Variants in PARP8 observed in about 807,000 individuals in gnomAD.
PARP8 encodes the protein protein mono-ADP-ribosyltransferase PARP8.
A neutral mutation model predicts 124.1 loss-of-function variants in PARP8; 51 were observed. The ratio of observed to expected loss-of-function variants is 0.41; its 90% CI spans 0.33 to 0.52. The LOEUF (loss-of-function observed/expected upper bound fraction) is 0.52, where lower values mean the gene tolerates loss of function less well. Among genes scored for constraint, PARP8 ranks in the 20% least tolerant of loss-of-function variants. PARP8 has a pLI of 0.21. For missense variants in PARP8, 860 were observed against 1,018.9 expected, an observed-to-expected ratio of 0.84 and a Z score of 2.12; for synonymous variants, 391 against 361.5, an observed-to-expected ratio of 1.08 and a Z score of -0.93.
intron 2 of PARP8, among the ~76,000 whole-genome samples, chr5:50,745,942 T>A (rs1044374494): frequency 1.3e-5 from 2 of 152,208 alleles, no homozygotes; most frequent in African/African-American, 2.4e-5. Flanking sequence ...CTTCTAATGT[T>A]TGGCATGTTG....
intron 2 of PARP8, among the ~76,000 whole-genome samples, chr5:50,733,999 A>C (rs1757247047): frequency 1.3e-5 from 2 of 152,216 alleles, no homozygotes; most frequent in Non-Finnish European, 1.5e-5. Flanking sequence ...GTAACTGATA[A>C]CTTTACTAAT....
chr5:50,721,857 A>G (rs1755922270), intron 2 of PARP8, among the ~76,000 whole-genome samples: 2 of 152,124 alleles, frequency 1.3e-5, no homozygotes, highest in South Asian at 4.1e-4. Context: ...AAACTGCTAA[A>G]GCAATTCTGA....
At position 50,778,173 on chromosome 5, in the gene PARP8, CATTTT is replaced by C. The variant is rs767140880; in HGVS notation, c.579+55_579+59del. ...TAATATGAATGGTGCATTTAAAATA[CATTTT>C]ATTTTATTTTTGGGGGAAATTTAAT... On this transcript the variant is annotated intron_variant, in intron 8 of 25. Coordinates refer to ENST00000281631, the MANE Select transcript of PARP8 (RefSeq NM_024615.4). 2.2e-5 allele frequency: 30 copies of C among 1,347,034 alleles called. No homozygotes were observed. In the African/African-American group the frequency reaches 4.4e-4, roughly 20 times the overall value. 83.4% of individuals were successfully genotyped at this position (1,347,034 alleles called of 1,614,324 possible). A position where few individuals can be genotyped will look rare whatever the true frequency, so the allele number is the denominator to read the frequency against.
chr5:50,811,218 T>C (rs1744398098), intron 14 of PARP8, among the ~76,000 whole-genome samples: 1 of 152,112 alleles, frequency 6.6e-6, no homozygotes, highest in South Asian at 2.1e-4. Flanking sequence ...GGTGTTTTAT[T>C]TAAAATAATG....
At chr5:50,788,654 T>G in intron 10 of PARP8, 65 bp downstream of exon 10, 1 of 1,369,662 alleles carries the variant, frequency 7.3e-7, no homozygotes, top group East Asian at 2.4e-5. Flanking sequence ...ATTTTGTTCA[T>G]TAAAACAAAC....
At chr5:50,821,092 G>GA (rs1745714195) in intron 15 of PARP8, 121 bp from the exon 16 acceptor site, 6 of 1,143,672 alleles carry the variant, frequency 5.2e-6, no homozygotes, top group Non-Finnish European at 7.6e-6. Flanking sequence ...TTACACATTT[G>GA]AGAGATTGGT....
chr5:50,795,089 G>C lies in PARP8; in HGVS notation c.1100G>C (p.Cys367Ser). 1 of 1,614,180 alleles carries C rather than the reference G, an allele frequency of 6.2e-7. No homozygotes were observed. Among genetic ancestry groups the C allele is most frequent in the Non-Finnish European group, 8.5e-7 (1 of 1,180,034 alleles). ...TCGCACAAACTTTTGAACCGTCCTT[G>C]CCCTGCAGCTGTTAAGTCAGAGGAA... ...IKSHKLLNRP[C>S]PAAVKSEECL... Residue 367 changes from cysteine to serine, a missense_variant, in exon 12 of 26, where the codon TGC (cysteine) becomes TCC (serine). Physicochemically the swap from Cys to Ser is moderately radical, Grantham distance 112. Coordinates refer to ENST00000281631, the MANE Select transcript of PARP8 (RefSeq NM_024615.4).
At chr5:50,820,932 C>G (rs1055778584) in intron 15 of PARP8, among the ~76,000 whole-genome samples, 2 of 152,200 alleles carry the variant, frequency 1.3e-5, no homozygotes, top group African/African-American at 4.8e-5. Flanking sequence ...CTGTCTTGTG[C>G]CTTGTCTTAC....
rs1166167289 is a variant in PARP8, at chr5:50,815,491, T to C, written c.1635T>C (p.Asn545=). Residue 545 remains asparagine, a synonymous_variant, in exon 15 of 26, where the codon AAT becomes AAC. Transcript: ENST00000281631. ...CTTTTCAAACCCTGGGAGTAATGAA[T>C]GAAGCTGCTGATGAAATAGCAACTG... is the stretch of plus-strand genomic sequence containing the variant. ...VFAFQTLGVM[N]EAADEIATGA... 1.9e-6 allele frequency: 3 copies of C among 1,599,474 alleles called. No individual in the cohort carries two copies. The highest frequency in any genetic ancestry group is 3.5e-5 in the Admixed American group (2 of 57,438).
chr5:50,667,169 A>G lies in PARP8; in HGVS notation c.74A>G (p.Lys25Arg). The G allele has an allele frequency of 1.4e-5, 22 of 1,596,332 alleles. No homozygotes were observed. Among genetic ancestry groups the G allele is most frequent in the Non-Finnish European group, 1.8e-5 (21 of 1,179,756 alleles). Residue 25 changes from lysine to arginine, a missense_variant, in exon 1 of 26, where the codon AAG (lysine) becomes AGG (arginine). Around this residue, in one of 2 missense-constraint regions of PARP8, gnomAD observed 517 missense variants for 544.2 expected, o/e 0.95. Transcript: ENST00000281631. ...GTGATCCAGAAGTCCAGAGCTGAGA[A>G]GGACTGCCTGTTTGCAGGTGAGTTC... ...DVVIQKSRAE[K>R]DCLFADFRYS...
intron 2 of PARP8, among the ~76,000 whole-genome samples, chr5:50,741,532 C>T (rs937423795): frequency 1.3e-5 from 2 of 152,144 alleles, no homozygotes; most frequent in African/African-American, 2.4e-5. Flanking sequence ...CTTAGAAGTC[C>T]AGACATTTAA....
intron 14 of PARP8, among the ~76,000 whole-genome samples, chr5:50,799,374 A>G (rs1009962602): frequency 1.3e-5 from 2 of 152,140 alleles, no homozygotes; most frequent in African/African-American, 4.8e-5. Context: ...TTATTTGACT[A>G]TAGATGTTTT....
At chr5:50,740,527 A>G (rs1240464086) in intron 2 of PARP8, among the ~76,000 whole-genome samples, 1 of 152,166 alleles carries the variant, frequency 6.6e-6, no homozygotes, top group Non-Finnish European at 1.5e-5. Context: ...TTTAGGTGCT[A>G]TTAAAATTAT....
In PARP8 at chr5:50,845,802, T is replaced by C. The variant is rs138223739; in HGVS notation, c.*3734T>C. The C allele has an allele frequency of 1.1e-4, 16 of 151,806 alleles. 1 individual carries two copies. Among genetic ancestry groups the C allele is most frequent in the Non-Finnish European group, 1.8e-4 (12 of 67,776 alleles). 9.4% of individuals were successfully genotyped at this position (151,806 alleles called of 1,614,324 possible). On this transcript the variant is annotated 3_prime_UTR_variant, in exon 26 of 26. Coordinates refer to ENST00000281631, the MANE Select transcript of PARP8 (RefSeq NM_024615.4). ...AGCCACAATCTCCCGCTCTAAGGAG[T>C]TAAAGGATGAAAACACCCAACTGCT...
chr5:50,753,115 A>G (rs1375406130), intron 3 of PARP8, among the ~76,000 whole-genome samples: 3 of 152,004 alleles, frequency 2.0e-5, no homozygotes, highest in African/African-American at 7.2e-5. Context: ...TGTAGATTTT[A>G]TTTTGAAGAC....
intron 2 of PARP8, among the ~76,000 whole-genome samples, chr5:50,696,927 A>G (rs962650839): frequency 2.0e-5 from 3 of 151,894 alleles, no homozygotes; most frequent in African/African-American, 7.3e-5. Context: ...TTTCTCCTTT[A>G]TGGTAGTGAG....
upstream of PARP8, chr5:50,665,988 C>G (rs529831497): frequency 1.6e-4 from 25 of 152,342 alleles, no homozygotes; most frequent in African/African-American, 6.0e-4. Flanking sequence ...AAACAGGTTT[C>G]CATCTTTTAG....
At chr5:50,740,771 C>CCA (rs1260504573) in intron 2 of PARP8, among the ~76,000 whole-genome samples, 1 of 151,398 alleles carries the variant, frequency 6.6e-6, no homozygotes, top group African/African-American at 2.4e-5. Flanking sequence ...CGTGATTGTG[C>CCA]CACTGCTCTC....
Position 50,794,269 on chromosome 5 carries a change from A to G in PARP8, c.800A>G (p.His267Arg). 1 of 1,613,740 alleles carries G rather than the reference A, an allele frequency of 6.2e-7. No homozygotes were observed. Among genetic ancestry groups the G allele is most frequent in the Non-Finnish European group, 8.5e-7 (1 of 1,179,722 alleles). ...AGCAAAGAAAAATCCAATTGCCTGCACAATAAAAAGTTGTCAGAGAAGAAA... is the reference window on the plus strand; with the variant it reads ...AGCAAAGAAAAATCCAATTGCCTGCGCAATAAAAAGTTGTCAGAGAAGAAA... ...KQSKEKSNCL[H>R]NKKLSEKKVK... Residue 267 changes from histidine (H) to arginine (R), a missense_variant, in exon 11 of 26, where the codon CAC becomes CGC. Physicochemically the swap from His to Arg is conservative, Grantham distance 29 (BLOSUM62 0). Coordinates refer to ENST00000281631, the MANE Select transcript of PARP8 (RefSeq NM_024615.4).
Sources: allele counts gnomAD v4.1 joint callset (sites outside exome capture counted in the v4.1 genomes callset), GRCh38; gene constraint gnomAD v4.1.1; regional missense constraint gnomAD v4.1.1; transcripts MANE v1.5; gene names NCBI Gene and HGNC (gene_info 2026-07-23, HGNC 2026-07-21).